Variants in UBR3 observed in about 807,000 individuals in gnomAD.
UBR3 encodes the protein E3 ubiquitin-protein ligase UBR3.
Under a neutral mutation model 243.2 loss-of-function variants are expected in UBR3, and 85 were observed. That is an observed-to-expected ratio of 0.35 (90% CI 0.29 to 0.42). UBR3 has a LOEUF of 0.42. UBR3 is among the 10% of genes least tolerant of loss of function. The probability of loss-of-function intolerance (pLI) is 1.00; values close to 1 mark genes in which losing one functional copy is unlikely to be tolerated. For synonymous variants in UBR3, 748 were observed against 799.8 expected, an observed-to-expected ratio of 0.94 and a Z score of 1.09; for missense variants, 1,686 against 2,300.8, an observed-to-expected ratio of 0.73 and a Z score of 5.47.
At chr2:169,977,595 G>A (rs564139551) in intron 24 of UBR3, among the ~76,000 whole-genome samples, 2 of 152,264 alleles carry the variant, frequency 1.3e-5, no homozygotes, top group East Asian at 3.9e-4. Flanking sequence ...TTCTGCTCTG[G>A]GAGGGAGAGA....
At chr2:169,931,404 A>C (rs2086123888) in intron 18 of UBR3, among the ~76,000 whole-genome samples, 1 of 151,740 alleles carries the variant, frequency 6.6e-6, no homozygotes, top group Non-Finnish European at 1.5e-5. Flanking sequence ...AATACTAATA[A>C]AGATCTTTGT....
At chr2:169,843,089 C>T (rs940931242) in intron 1 of UBR3, among the ~76,000 whole-genome samples, 2 of 152,196 alleles carry the variant, frequency 1.3e-5, no homozygotes, top group Non-Finnish European at 2.9e-5. Flanking sequence ...AAAACTACTC[C>T]AGCCTCTACC....
chr2:169,832,578 CA>C (rs1008397244), intron 1 of UBR3, among the ~76,000 whole-genome samples: 1 of 148,688 alleles, frequency 6.7e-6, no homozygotes, highest in East Asian at 2.1e-4. Flanking sequence ...GGAAAAAAAA[CA>C]AAAAAACTGT....
chr2:169,938,533 A>T (rs904647469), intron 19 of UBR3, among the ~76,000 whole-genome samples: 2 of 152,186 alleles, frequency 1.3e-5, no homozygotes, highest in South Asian at 2.1e-4. Flanking sequence ...AAGTGTTAGG[A>T]TAACAGGCAT....
At chr2:170,081,694 A>C (rs773888728) in intron 38 of UBR3, 32 bp from the exon 39 acceptor site, 3 of 1,492,272 alleles carry the variant, frequency 2.0e-6, no homozygotes, top group Non-Finnish European at 2.8e-6. Flanking sequence ...TCCGTGTATG[A>C]TATTAATACT....
intron 30 of UBR3, among the ~76,000 whole-genome samples, chr2:170,026,128 A>T (rs2090522904): frequency 6.6e-6 from 1 of 152,010 alleles, no homozygotes; most frequent in South Asian, 2.1e-4. Context: ...TTTAGGGTTC[A>T]TTAGCAGAAG....
At chr2:169,836,332 G>C (rs1011791425) in intron 1 of UBR3, among the ~76,000 whole-genome samples, 1 of 151,252 alleles carries the variant, frequency 6.6e-6, no homozygotes, top group Non-Finnish European at 1.5e-5. Flanking sequence ...TGATCTTCCC[G>C]CCTCAGCCTC....
chr2:169,856,347 G>A (rs2082861613), intron 1 of UBR3, among the ~76,000 whole-genome samples: 1 of 151,256 alleles, frequency 6.6e-6, no homozygotes, highest in African/African-American at 2.4e-5. Flanking sequence ...TCACTTCCCA[G>A]ACTGGGCAGC....
chr2:170,077,692 T>C (rs2091839593), intron 36 of UBR3: 2 of 340,316 alleles, frequency 5.9e-6, no homozygotes, highest in East Asian at 1.1e-4. Flanking sequence ...TTCAAGTGAT[T>C]TTCCTGCCTC....
intron 22 of UBR3, 154 bp downstream of exon 22, chr2:169,947,869 T>A (rs2086848456): frequency 2.0e-6 from 2 of 985,196 alleles, no homozygotes; most frequent in Admixed American, 1.2e-4. Flanking sequence ...TCTATGTAAC[T>A]TCTACCTTAC....
chr2:169,901,027 A>T (rs2084801393), intron 8 of UBR3, among the ~76,000 whole-genome samples: 1 of 152,200 alleles, frequency 6.6e-6, no homozygotes, highest in Non-Finnish European at 1.5e-5. Context: ...CAGTGGTCAT[A>T]GTTTAAACTT....
At chr2:169,974,147 C>T (rs1046363931) in intron 24 of UBR3, among the ~76,000 whole-genome samples, 12 of 151,960 alleles carry the variant, frequency 7.9e-5, no homozygotes, top group Non-Finnish European at 1.2e-4. Context: ...TTTGTTATGT[C>T]TTTGTCTGGT....
At chr2:169,904,983 T>C in intron 8 of UBR3, 131 bp from the exon 9 acceptor site, 1 of 598,036 alleles carries the variant, frequency 1.7e-6, no homozygotes, top group Non-Finnish European at 2.5e-6. Context: ...TAAAGCCATA[T>C]AGGTATTAAA....
chr2:169,971,095 A>C (rs958270673), intron 24 of UBR3, among the ~76,000 whole-genome samples: 1 of 151,836 alleles, frequency 6.6e-6, no homozygotes, highest in Admixed American at 6.6e-5. Flanking sequence ...GCATTTTTTC[A>C]TGTGTTTTTT....
intron 32 of UBR3, among the ~76,000 whole-genome samples, chr2:170,041,524 G>A (rs1430909951): frequency 6.6e-6 from 1 of 152,126 alleles, no homozygotes; most frequent in East Asian, 1.9e-4. Context: ...ATCATTTTAA[G>A]TTAGTGTTAA....
chr2:170,057,968 A>G (rs964265549), intron 33 of UBR3, among the ~76,000 whole-genome samples: 1 of 152,178 alleles, frequency 6.6e-6, no homozygotes, highest in African/African-American at 2.4e-5. Context: ...ACCAACAACT[A>G]TACTGTAATA....
At chr2:170,052,065 C>G (rs1006234802) in intron 32 of UBR3, among the ~76,000 whole-genome samples, 24 of 152,160 alleles carry the variant, frequency 1.6e-4, no homozygotes, top group Admixed American at 7.9e-4. Context: ...GCCTCAAACT[C>G]AGTATATATA....
At position 169,966,997 on chromosome 2, in the gene UBR3, T is replaced by G. The variant is rs1574302520; in HGVS notation, c.3634+8471T>G. 2.0e-5 allele frequency among the ~76,000 whole-genome samples: 3 copies of G among 152,270 alleles called. No homozygotes were observed. In the East Asian group the frequency reaches 5.8e-4, roughly 29 times the overall value. On this transcript the variant is annotated intron_variant, in intron 24 of 38. Transcript: ENST00000272793. ...TTGATCATGATGAGGATGAAACATA[T>G]TTTTGTATGTTAACTGTGTACTCAG...
At chr2:170,015,715 C>T (rs1486474531) in intron 30 of UBR3, among the ~76,000 whole-genome samples, 4 of 151,770 alleles carry the variant, frequency 2.6e-5, no homozygotes, top group Non-Finnish European at 5.9e-5. Context: ...ATATATGTTA[C>T]CCACAGATTT....
Sources: gnomAD v4.1 joint callset for allele counts (sites outside exome capture counted in the v4.1 genomes callset) on GRCh38, gnomAD v4.1.1 for gene constraint, MANE v1.5 for transcripts, NCBI Gene and HGNC (gene_info 2026-07-23, HGNC 2026-07-21) for gene names.